The following SNRNP200 variants were observed in gnomAD, a reference collection of about 807,000 sequenced individuals.
SNRNP200 encodes the protein U5 small nuclear ribonucleoprotein 200 kDa helicase.
A neutral mutation model predicts 255.2 loss-of-function variants in SNRNP200; 66 were observed. That is an observed-to-expected ratio of 0.26 (90% CI 0.21 to 0.32). The LOEUF (loss-of-function observed/expected upper bound fraction) is 0.32, where lower values mean the gene tolerates loss of function less well. SNRNP200 is among the 10% of genes least tolerant of loss of function. SNRNP200 has a pLI of 1.00. For missense variants in SNRNP200, 1,585 were observed against 2,749.8 expected, an observed-to-expected ratio of 0.58 and a Z score of 9.47; for synonymous variants, 939 against 1,027.8, an observed-to-expected ratio of 0.91 and a Z score of 1.65.
Position 96,283,763 on chromosome 2 carries a change from C to T in SNRNP200, c.4584+50G>A. 2 of 1,614,036 alleles carry T rather than the reference C, an allele frequency of 1.2e-6. No individual in the cohort carries two copies. The highest frequency in any genetic ancestry group is 1.7e-6 in the Non-Finnish European group (2 of 1,179,990). ...CACCAAGGTTATCAGACCTGGGTCA[C>T]TCAGGATCTATGTGACACCCCACAG... On this transcript the variant is annotated intron_variant, in intron 32 of 44. Transcript: ENST00000323853. The surrounding 1 kb of genome is among the most constrained non-coding windows in gnomAD (Gnocchi z 4.7).
Position 96,287,460 on chromosome 2 carries a change from C to T in SNRNP200, c.3463G>A (p.Asp1155Asn), listed in dbSNP as rs1335893885. Residue 1155 changes from aspartate to asparagine, a missense_variant, in exon 26 of 45, where the codon GAC (aspartate) becomes AAC (asparagine). This residue lies in a region of SNRNP200 where 719 missense variants were observed against 1,091.1 expected (regional missense o/e 0.66). Transcript: ENST00000323853. This position sits in a 1 kb window ranked among gnomAD's most constrained non-coding sequence, Gnocchi z 5.7. The stretch of plus-strand genomic sequence containing the variant: ...ACACCAATCTCATTATGATTCAGGT[C>T]GTACAGACGCTCAAAGGGGAAATTC... Reference protein sequence around the residue: ...KKNFPFERLYDLNHNEIGELI... With the variant: ...KKNFPFERLYNLNHNEIGELI... 1.9e-6 allele frequency: 3 copies of T among 1,612,438 alleles called. No individual in the cohort carries two copies. The highest frequency in any genetic ancestry group is 1.3e-5 in the African/African-American group (1 of 74,870).
rs1248333527 is a variant in SNRNP200, at chr2:96,284,477, T to C, written c.4273A>G (p.Ile1425Val). 1.2e-6 allele frequency: 2 copies of C among 1,614,068 alleles called. No individual in the cohort carries two copies. Among genetic ancestry groups the C allele is most frequent in the Non-Finnish European group, 1.7e-6 (2 of 1,180,034 alleles). Residue 1425 changes from isoleucine (I) to valine (V), a missense_variant, in exon 31 of 45, where the codon ATC (isoleucine) becomes GTC (valine). Ile to Val is a conservative substitution (Grantham distance 29, BLOSUM62 3). Transcript: ENST00000323853. ...DLKLLGKGNI[I>V]ISTPEKWDIL... ...TCCCACTTCTCAGGGGTGCTGATGA[T>C]AATGTTCCCTTTGCCCAGCAGCTTC...
At position 96,287,142 on chromosome 2, in the gene SNRNP200, G is replaced by A; in HGVS notation, c.3503C>T (p.Pro1168Leu). Residue 1168 changes from proline (P) to leucine (L), a missense_variant, in exon 27 of 45, where the codon CCA becomes CTA. Physicochemically the swap from Pro to Leu is moderately conservative, Grantham distance 98. Coordinates refer to ENST00000323853, the MANE Select transcript of SNRNP200 (RefSeq NM_014014.5). This position sits in a 1 kb window ranked among gnomAD's most constrained non-coding sequence, Gnocchi z 5.7. ...TTTGTGGATGGTCTTCCCCATCTTTGGCATGCGGATAAGCTCCCCTACAAG... is the reference window on the plus strand; with the variant it reads ...TTTGTGGATGGTCTTCCCCATCTTTAGCATGCGGATAAGCTCCCCTACAAG... ...HNEIGELIRMPKMGKTIHKYV... is the reference protein window; with the variant it reads ...HNEIGELIRMLKMGKTIHKYV... 6.2e-7 allele frequency: 1 copy of A among 1,614,202 alleles called. No homozygotes were observed. The highest frequency in any genetic ancestry group is 8.5e-7 in the Non-Finnish European group (1 of 1,180,042).
At chr2:96,303,138 A>G in intron 3 of SNRNP200, 21 bp downstream of exon 3, 2 of 1,612,770 alleles carry the variant, frequency 1.2e-6, no homozygotes, top group Non-Finnish European at 1.7e-6. Flanking sequence ...CCTAATATAT[A>G]TTTCACAATA....
chr2:96,282,908 G>A (rs915908662), intron 34 of SNRNP200: 4 of 503,580 alleles, frequency 7.9e-6, no homozygotes, highest in African/African-American at 7.7e-5. Context: ...GGTATCCACG[G>A]AGAATCAGCG....
Position 96,298,416 on chromosome 2 carries a change from T to C in SNRNP200, c.987A>G (p.Leu329=), listed in dbSNP as rs1288285586. 3 of 1,613,980 alleles carry C rather than the reference T, an allele frequency of 1.9e-6. No homozygotes were observed. The highest frequency in any genetic ancestry group is 3.3e-5 in the Admixed American group (2 of 60,010). ...KVLRQHRMMI[L]YCTLLASAQS... ...GTGCACTGGCCAGCAAGGTACAGTATAAAACTACCCACAACAAAAGGAACA... is the reference window on the plus strand; with the variant it reads ...GTGCACTGGCCAGCAAGGTACAGTACAAAACTACCCACAACAAAAGGAACA... The change falls in exon 9 of 45, where the codon TTA becomes TTG. Residue 329 remains leucine, a synonymous_variant. Coordinates refer to ENST00000323853, the MANE Select transcript of SNRNP200 (RefSeq NM_014014.5).
At position 96,305,470 on chromosome 2, in the gene SNRNP200, C is replaced by T. The variant is rs368296492; in HGVS notation, c.-33G>A. On this transcript the variant is annotated 5_prime_UTR_variant, in exon 1 of 45. The change creates a new upstream start codon in the 5' untranslated region. Coordinates refer to ENST00000323853, the MANE Select transcript of SNRNP200 (RefSeq NM_014014.5). ...GCTGCTCGGAGGCTTCAGACCACCA[C>T]GCCTCCCTACCGCAAGCTGCAAACG... is the stretch of plus-strand genomic sequence containing the variant. 7.4e-6 allele frequency: 12 copies of T among 1,613,404 alleles called. No homozygotes were observed. Among genetic ancestry groups the T allele is most frequent in the Non-Finnish European group, 8.5e-6 (10 of 1,180,016 alleles).
chr2:96,295,376 T>G (rs1165709124), intron 14 of SNRNP200, 112 bp downstream of exon 14: 6 of 1,488,442 alleles, frequency 4.0e-6, no homozygotes, highest in Non-Finnish European at 4.7e-6. Context: ...GACTAGTCAT[T>G]ACAAAGGCTA....
chr2:96,293,237 C>A, intron 15 of SNRNP200, 79 bp downstream of exon 15: 1 of 1,574,042 alleles, frequency 6.4e-7, no homozygotes, highest in Admixed American at 1.7e-5. Flanking sequence ...TAAAACCCAA[C>A]CCAGTAGCAC....
At chr2:96,295,764 C>T in intron 13 of SNRNP200, 106 bp from the exon 14 acceptor site, 1 of 1,164,412 alleles carries the variant, frequency 8.6e-7, no homozygotes, top group South Asian at 1.3e-5. Context: ...GGTATCAACC[C>T]ATCAGGTGAA....
chr2:96,286,967 G>C lies in SNRNP200; in HGVS notation c.3639+39C>G. 6.2e-7 allele frequency: 1 copy of C among 1,614,066 alleles called. No individual in the cohort carries two copies. The highest frequency in any genetic ancestry group is 1.1e-5 in the South Asian group (1 of 91,074). On this transcript the variant is annotated intron_variant, in intron 27 of 44. Coordinates refer to ENST00000323853, the MANE Select transcript of SNRNP200 (RefSeq NM_014014.5). This position sits in a 1 kb window ranked among gnomAD's most constrained non-coding sequence, Gnocchi z 4.8. ...TCCTCGGCCCAGCAACGTAGACTGAGCACCTCCAATCCAGCACCTCTGCCC... is the reference window on the plus strand; with the variant it reads ...TCCTCGGCCCAGCAACGTAGACTGACCACCTCCAATCCAGCACCTCTGCCC...
At position 96,285,327 on chromosome 2, in the gene SNRNP200, T is replaced by C. The variant is rs776490439; in HGVS notation, c.4017A>G (p.Val1339=). 6.2e-7 allele frequency: 1 copy of C among 1,614,106 alleles called. No homozygotes were observed. The highest frequency in any genetic ancestry group is 1.1e-5 in the South Asian group (1 of 91,078). The change falls in exon 30 of 45, where the codon GTA becomes GTG. Residue 1339 remains valine, a synonymous_variant. Coordinates refer to ENST00000323853, the MANE Select transcript of SNRNP200 (RefSeq NM_014014.5). Reference sequence around the variant, plus strand: ...CAAACACGTTGTCGTCACTGTTGTATACAGTGTTAAACACTGGAAACCAAC... The same window carrying C: ...CAAACACGTTGTCGTCACTGTTGTACACAGTGTTAAACACTGGAAACCAAC... ...NPIQTQVFNT[V]YNSDDNVFVG...
rs1378470803 is a variant in SNRNP200, at chr2:96,277,796, C to T, written c.5754+11G>A. The T allele has an allele frequency of 6.2e-7, 1 of 1,614,208 alleles. No individual in the cohort carries two copies. Among genetic ancestry groups the T allele is most frequent in the East Asian group, 2.2e-5 (1 of 44,888 alleles). ...CACCACTGACCCCTCTGCCCCACACCCACACTCTACCTTACTAAGGATTTC... is the reference window on the plus strand; with the variant it reads ...CACCACTGACCCCTCTGCCCCACACTCACACTCTACCTTACTAAGGATTTC... On this transcript the variant is annotated intron_variant, in intron 40 of 44. Coordinates refer to ENST00000323853, the MANE Select transcript of SNRNP200 (RefSeq NM_014014.5). The surrounding 1 kb of genome is among the most constrained non-coding windows in gnomAD (Gnocchi z 4.4).
In SNRNP200 at chr2:96,300,889, C is replaced by T. The variant is rs921713597; in HGVS notation, c.630+109G>A. ...GCCCAAGTCTGAAACCCATACAACACCATAAAATTTATCTGGTTTAAACTA... is the reference window on the plus strand; with the variant it reads ...GCCCAAGTCTGAAACCCATACAACATCATAAAATTTATCTGGTTTAAACTA... On this transcript the variant is annotated intron_variant, in intron 5 of 44. Transcript: ENST00000323853. The T allele has an allele frequency of 2.6e-5, 24 of 926,218 alleles. No individual in the cohort carries two copies. The African/African-American group carries it at 3.3e-4, about 13-fold the overall frequency. The allele number at this position is 926,218 out of a possible 1,614,324, so 57.4% of individuals were successfully genotyped here.
chr2:96,290,712 G>A lies in SNRNP200; in HGVS notation c.2525C>T (p.Thr842Ile). 6.2e-7 allele frequency: 1 copy of A among 1,614,180 alleles called. No homozygotes were observed. The highest frequency in any genetic ancestry group is 1.1e-5 in the South Asian group (1 of 91,088). Residue 842 changes from threonine to isoleucine, a missense_variant, in exon 19 of 45, where the codon ACA (threonine) becomes ATA (isoleucine). Physicochemically the swap from Thr to Ile is moderately conservative, Grantham distance 89. Around this residue, in one of 9 missense-constraint regions of SNRNP200, gnomAD observed 140 missense variants for 274.9 expected, o/e 0.51. Transcript: ENST00000323853. The surrounding 1 kb of genome is among the most constrained non-coding windows in gnomAD (Gnocchi z 4.5). ...CAGAATGTCCAGTGCTCCCAGTTCT[G>A]TCCAACGCCCCTTCTCTGGACTGTA... ...QVYSPEKGRWTELGALDILQM... is the reference protein window; with the variant it reads ...QVYSPEKGRWIELGALDILQM...
chr2:96,286,511 T>C lies in SNRNP200; in HGVS notation c.3830-27A>G, dbSNP rs1432207897. ...TGCCAGAAAAGAAACAGGAAGGATATAAGCACTGCTCTCTTTCCCTCACTG... is the reference window on the plus strand; with the variant it reads ...TGCCAGAAAAGAAACAGGAAGGATACAAGCACTGCTCTCTTTCCCTCACTG... On this transcript the variant is annotated intron_variant, in intron 28 of 44. Transcript: ENST00000323853. The surrounding 1 kb of genome is among the most constrained non-coding windows in gnomAD (Gnocchi z 4.8). The C allele has an allele frequency of 3.1e-6, 5 of 1,612,854 alleles. No individual in the cohort carries two copies. The highest frequency in any genetic ancestry group is 3.4e-6 in the Non-Finnish European group (4 of 1,179,512).
In SNRNP200 at chr2:96,284,605, G is replaced by A. The variant is rs2063831085; in HGVS notation, c.4165-20C>T. On this transcript the variant is annotated intron_variant, in intron 30 of 44. Coordinates refer to ENST00000323853, the MANE Select transcript of SNRNP200 (RefSeq NM_014014.5). ...GTATACCTGGCGGGCAGAGGAGGGA[G>A]GCAGAACAACACTAGGCCATACCAG... 4 of 1,559,242 alleles carry A rather than the reference G, an allele frequency of 2.6e-6. No homozygotes were observed. Among genetic ancestry groups the A allele is most frequent in the African/African-American group, 1.4e-5 (1 of 73,936 alleles).
At position 96,287,991 on chromosome 2, in the gene SNRNP200, C is replaced by G; in HGVS notation, c.3259-22G>C. The G allele has an allele frequency of 6.2e-7, 1 of 1,608,770 alleles. No individual in the cohort carries two copies. The highest frequency in any genetic ancestry group is 8.5e-7 in the Non-Finnish European group (1 of 1,175,148). On this transcript the variant is annotated intron_variant, in intron 24 of 44. Coordinates refer to ENST00000323853, the MANE Select transcript of SNRNP200 (RefSeq NM_014014.5). The surrounding 1 kb of genome is among the most constrained non-coding windows in gnomAD (Gnocchi z 5.7). ...CCGACTAAGCAAAGAAGCAGCATTC[C>G]CACTGTTAAGTCTCGACTATCCCCA...
At chr2:96,298,187 T>G in intron 9 of SNRNP200, 97 bp downstream of exon 9, 1 of 1,564,388 alleles carries the variant, frequency 6.4e-7, no homozygotes. Flanking sequence ...AAATTACTTT[T>G]TCAACTTCCA....
Sources: allele counts gnomAD v4.1 joint callset, GRCh38; gene constraint gnomAD v4.1.1; regional missense constraint gnomAD v4.1.1; non-coding constraint Gnocchi (gnomAD v3.1); transcripts MANE v1.5; gene names NCBI Gene and HGNC (gene_info 2026-07-23, HGNC 2026-07-21).